DNAH9: variants seen among roughly 807,000 people sequenced by gnomAD.
The protein encoded by DNAH9 is DNAH9 variant protein.
A neutral mutation model predicts 471.6 loss-of-function variants in DNAH9; 345 were observed. That is an observed-to-expected ratio of 0.73 (90% CI 0.67 to 0.80). The LOEUF (loss-of-function observed/expected upper bound fraction) is 0.80, where lower values mean the gene tolerates loss of function less well. Ranked by LOEUF, DNAH9 falls within the 30% of genes least tolerant of loss-of-function variation. The pLI is 0.00. For synonymous variants in DNAH9, 2,093 were observed against 2,123.6 expected, an observed-to-expected ratio of 0.99 and a Z score of 0.40; for missense variants, 5,407 against 5,609.2, an observed-to-expected ratio of 0.96 and a Z score of 1.15.
At chr17:11,944,538 A>G (rs995746348) in intron 67 of DNAH9, among the ~76,000 whole-genome samples, 1 of 152,166 alleles carries the variant, frequency 6.6e-6, no homozygotes, top group Non-Finnish European at 1.5e-5. Flanking sequence ...CAGGTGAGCA[A>G]CAGTGATAGG....
chr17:11,821,838 T>A, intron 45 of DNAH9, 82 bp from the exon 46 acceptor site: 1 of 1,499,106 alleles, frequency 6.7e-7, no homozygotes, highest in Non-Finnish European at 9.0e-7. Context: ...ACCTGTGTCC[T>A]AAGGTAGGAT....
At chr17:11,918,264 C>G (rs1176131729) in intron 61 of DNAH9, among the ~76,000 whole-genome samples, 2 of 151,748 alleles carry the variant, frequency 1.3e-5, no homozygotes, top group Non-Finnish European at 2.9e-5. Context: ...CAGGCTCTCA[C>G]TGTGTTGCCC....
At position 11,933,872 on chromosome 17, in the gene DNAH9, T is replaced by C. The variant is rs770652657; in HGVS notation, c.12298-8T>C. 1 of 1,603,110 alleles carries C rather than the reference T, an allele frequency of 6.2e-7. No homozygotes were observed. The highest frequency in any genetic ancestry group is 8.5e-7 in the Non-Finnish European group (1 of 1,172,958). On this transcript the variant is annotated splice_region_variant and splice_polypyrimidine_tract_variant and intron_variant, in intron 64 of 68. Transcript: ENST00000262442. ...TTCCTTCCTCTCTTTCTTTCCCCCATCACTCAGGTCCCCTATGATGATTTG... is the reference window on the plus strand; with the variant it reads ...TTCCTTCCTCTCTTTCTTTCCCCCACCACTCAGGTCCCCTATGATGATTTG...
rs560176670 is a variant in DNAH9, at chr17:11,617,247, G to A, written c.905-164G>A. Reference sequence around the variant, plus strand: ...CAGATCATTATCCTAGTTGTTCAGGGCTCTCCAGTTTCCATATTTCCTCAT... The same window carrying A: ...CAGATCATTATCCTAGTTGTTCAGGACTCTCCAGTTTCCATATTTCCTCAT... On this transcript the variant is annotated intron_variant, in intron 4 of 68. Transcript: ENST00000262442. Among the ~76,000 whole-genome samples, 151 of 152,192 alleles carry A rather than the reference G, an allele frequency of 9.9e-4. 1 individual carries two copies. Among genetic ancestry groups the A allele is most frequent in the African/African-American group, 3.6e-3 (148 of 41,540 alleles).
chr17:11,918,133 C>T (rs1490445092), intron 61 of DNAH9, among the ~76,000 whole-genome samples: 5 of 152,154 alleles, frequency 3.3e-5, no homozygotes, highest in Non-Finnish European at 5.9e-5. Context: ...GCCAGATTCT[C>T]GAAACTTTGC....
chr17:11,632,452 C>T (rs1379207433), intron 7 of DNAH9, 135 bp from the exon 8 acceptor site: 1 of 604,394 alleles, frequency 1.7e-6, no homozygotes. Flanking sequence ...TTAAGTCATG[C>T]CATGGTGAAT....
chr17:11,944,511 G>T (rs1316163180), intron 67 of DNAH9, among the ~76,000 whole-genome samples: 5 of 152,128 alleles, frequency 3.3e-5, no homozygotes, highest in Admixed American at 2.6e-4. Flanking sequence ...TGGTTTGGCT[G>T]CAGCTACAGG....
In DNAH9 at chr17:11,937,406, A is replaced by C. The variant is rs142068115; in HGVS notation, c.12544A>C (p.Asn4182His). 33 of 1,613,982 alleles carry C rather than the reference A, an allele frequency of 2.0e-5. No homozygotes were observed. The African/African-American group carries it at 3.9e-4, about 19-fold the overall frequency. ...ESPYLYGLHP[N>H]AEIGFLTQTS... is the part of the protein sequence containing the mutation. The stretch of plus-strand genomic sequence containing the variant: ...CCCCTACCTCTATGGCCTCCACCCG[A>C]ACGCAGAGATTGGCTTCCTGACCCA... The change falls in exon 66 of 69, where the codon AAC becomes CAC. Residue 4182 changes from asparagine to histidine, a missense_variant. Asn to His is a moderately conservative substitution (Grantham distance 68). Coordinates refer to ENST00000262442, the MANE Select transcript of DNAH9 (RefSeq NM_001372.4). This position sits in a 1 kb window ranked among gnomAD's most constrained non-coding sequence, Gnocchi z 4.1.
chr17:11,869,677 A>C (rs1972191502), intron 51 of DNAH9, among the ~76,000 whole-genome samples: 1 of 152,198 alleles, frequency 6.6e-6, no homozygotes, highest in African/African-American at 2.4e-5. Context: ...ACTGACCCTG[A>C]GTATTTCAGA....
In DNAH9 at chr17:11,654,355, CAAAAAA is replaced by C. The variant is rs527835262; in HGVS notation, c.2595+1371_2595+1376del. ...TGGGCCACAGAGCGAGACTCCGTCT[CAAAAAA>C]AAAAAAAAAAAAAAAAAGTTTAAAA... On this transcript the variant is annotated intron_variant, in intron 14 of 68. Coordinates refer to ENST00000262442, the MANE Select transcript of DNAH9 (RefSeq NM_001372.4). Among the ~76,000 whole-genome samples, 28 of 11,256 alleles carry C rather than the reference CAAAAAA, an allele frequency of 2.5e-3. 6 individuals are homozygous for C. The highest frequency in any genetic ancestry group is 0.017 in the Non-Finnish European group (21 of 1,232). 7.4% of individuals were successfully genotyped at this position (11,256 alleles called of 152,430 possible).
At chr17:11,812,038 T>C (rs1217701331) in intron 45 of DNAH9, among the ~76,000 whole-genome samples, 5 of 66,450 alleles carry the variant, frequency 7.5e-5, no homozygotes, top group East Asian at 3.5e-4. Context: ...TATATATATA[T>C]ATATATATAT....
At position 11,664,142 on chromosome 17, in the gene DNAH9, T is replaced by C. The variant is rs377112795; in HGVS notation, c.2596-691T>C. 1.2e-3 allele frequency among the ~76,000 whole-genome samples: 177 copies of C among 152,242 alleles called. 5 individuals are homozygous for C. In the South Asian group the frequency reaches 0.031, roughly 26 times the overall value. On this transcript the variant is annotated intron_variant, in intron 14 of 68. Transcript: ENST00000262442. ...CAAATGACAAAGAGTAAATGGGATG[T>C]CTGTACTTGGCATTGCTGGAGCATT...
chr17:11,681,648 G>C (rs1341833936), intron 19 of DNAH9, among the ~76,000 whole-genome samples: 1 of 152,086 alleles, frequency 6.6e-6, no homozygotes, highest in East Asian at 1.9e-4. Context: ...CTTTCTTGCT[G>C]GGTCTCCTCT....
chr17:11,893,714 G>A (rs1045477912), intron 58 of DNAH9, among the ~76,000 whole-genome samples: 2 of 152,000 alleles, frequency 1.3e-5, no homozygotes, highest in African/African-American at 2.4e-5. Flanking sequence ...CTGTCAGGGG[G>A]TGGAGGGGAA....
chr17:11,730,924 G>A (rs8069558), intron 28 of DNAH9, among the ~76,000 whole-genome samples: 126,124 of 150,748 alleles, frequency 0.84, 54,028 homozygotes, highest in Non-Finnish European at 0.92. Context: ...AATGATGATG[G>A]TGGTGGTGGT....
Position 11,947,922 on chromosome 17 carries a change from G to A in DNAH9, c.12843+5437G>A, listed in dbSNP as rs1267625689. ...TCAGCCTCCCGGCTCCCGCCAGCACGCCCAGCTAATTCTTGTGTTTCTTTA... is the reference window on the plus strand; with the variant it reads ...TCAGCCTCCCGGCTCCCGCCAGCACACCCAGCTAATTCTTGTGTTTCTTTA... On this transcript the variant is annotated intron_variant, in intron 67 of 68. Transcript: ENST00000262442. Among the ~76,000 whole-genome samples, 5 of 150,766 alleles carry A rather than the reference G, an allele frequency of 3.3e-5. No homozygotes were observed. In the East Asian group the frequency reaches 7.9e-4, roughly 24 times the overall value.
intron 26 of DNAH9, among the ~76,000 whole-genome samples, chr17:11,716,974 C>T (rs1454076471): frequency 6.6e-6 from 1 of 152,188 alleles, no homozygotes; most frequent in African/African-American, 2.4e-5. Flanking sequence ...AACTCAAGAG[C>T]CCAGGAGGGC....
chr17:11,800,069 TG>T (rs1969395923), intron 43 of DNAH9, among the ~76,000 whole-genome samples: 1 of 152,248 alleles, frequency 6.6e-6, no homozygotes, highest in Non-Finnish European at 1.5e-5. Context: ...CCGTGATAAC[TG>T]CATTACACAT....
chr17:11,916,861 A>G (rs781411147), intron 61 of DNAH9, among the ~76,000 whole-genome samples: 1 of 152,194 alleles, frequency 6.6e-6, no homozygotes, highest in South Asian at 2.1e-4. Flanking sequence ...AAATGCACAT[A>G]CCCACAGACA....
Sources: allele counts gnomAD v4.1 joint callset (sites outside exome capture counted in the v4.1 genomes callset), GRCh38; gene constraint gnomAD v4.1.1; non-coding constraint Gnocchi (gnomAD v3.1); transcripts MANE v1.5; gene names NCBI Gene and HGNC (gene_info 2026-07-23, HGNC 2026-07-21).